The following TOLLIP variants were observed in gnomAD, a reference collection of about 807,000 sequenced individuals.
The protein encoded by TOLLIP is toll-interacting protein.
A neutral mutation model predicts 33.5 loss-of-function variants in TOLLIP; 16 were observed. The ratio of observed to expected loss-of-function variants is 0.48; its 90% CI spans 0.32 to 0.72. The LOEUF is 0.72. Ranked by LOEUF, TOLLIP falls within the 30% of genes least tolerant of loss-of-function variation. The pLI is 0.03. For synonymous variants in TOLLIP, 176 were observed against 163.7 expected, an observed-to-expected ratio of 1.07 and a Z score of -0.57; for missense variants, 325 against 396.6, an observed-to-expected ratio of 0.82 and a Z score of 1.53.
intron 2 of TOLLIP, chr11:1,291,213 G>A (rs2133907202): frequency 6.6e-6 from 1 of 152,348 alleles, no homozygotes; most frequent in South Asian, 2.1e-4. Flanking sequence ...AAAAAACCAG[G>A]AGAAAAGCCC....
chr11:1,276,635 T>G lies in TOLLIP; in HGVS notation c.*404A>C. The G allele has an allele frequency of 7.7e-7, 1 of 1,297,034 alleles. No homozygotes were observed. The highest frequency in any genetic ancestry group is 1.2e-5 in the South Asian group (1 of 80,982). The allele number at this position is 1,297,034 out of a possible 1,614,324, so 80.3% of individuals were successfully genotyped here. Reference sequence around the variant, plus strand: ...ACAGTGTGAGGGATTGTGTGTGCCTTAAATCAACAGCTCTATTCCAATTAC... The same window carrying G: ...ACAGTGTGAGGGATTGTGTGTGCCTGAAATCAACAGCTCTATTCCAATTAC... On this transcript the variant is annotated 3_prime_UTR_variant, in exon 6 of 6. Transcript: ENST00000317204.
chr11:1,283,463 G>A lies in TOLLIP; in HGVS notation c.610+2539C>T, dbSNP rs749948104. On this transcript the variant is annotated intron_variant, in intron 5 of 5. Coordinates refer to ENST00000317204, the MANE Select transcript of TOLLIP (RefSeq NM_019009.4). ...AGGGACGCCCCTGCTTATTGGAAAC[G>A]CATGCCTGGGCATGGGGGCTGGGGG... The A allele has an allele frequency of 7.2e-5, 29 of 403,132 alleles. No individual in the cohort carries two copies. In the African/African-American group the frequency reaches 7.9e-4, roughly 11 times the overall value. 25.0% of individuals were successfully genotyped at this position (403,132 alleles called of 1,614,324 possible). A position where few individuals can be genotyped will look rare whatever the true frequency, so the allele number is the denominator to read the frequency against.
intron 1 of TOLLIP, among the ~76,000 whole-genome samples, chr11:1,306,688 G>A (rs914878743): frequency 2.6e-5 from 4 of 152,070 alleles, no homozygotes; most frequent in African/African-American, 7.2e-5. Flanking sequence ...GTGCCAAGGC[G>A]GGCCCTGCCT....
At chr11:1,299,731 A>G (rs1443190354) in intron 1 of TOLLIP, among the ~76,000 whole-genome samples, 1 of 152,260 alleles carries the variant, frequency 6.6e-6, no homozygotes, top group East Asian at 1.9e-4. Flanking sequence ...TGTGAAGGCC[A>G]ACAATTCCAC....
intron 1 of TOLLIP, among the ~76,000 whole-genome samples, chr11:1,298,764 T>C (rs573932447): frequency 1.8e-4 from 28 of 152,318 alleles, no homozygotes; most frequent in African/African-American, 6.0e-4. Flanking sequence ...GCCAGCGCCA[T>C]GTGGCGGGGC....
intron 1 of TOLLIP, 84 bp downstream of exon 1, chr11:1,309,382 G>A: frequency 2.6e-6 from 2 of 775,248 alleles, no homozygotes; most frequent in Non-Finnish European, 1.7e-6. Flanking sequence ...CCCGCCAGCC[G>A]CAGCTGAGCA....
chr11:1,285,208 T>C (rs1863648623), intron 5 of TOLLIP, among the ~76,000 whole-genome samples: 1 of 152,162 alleles, frequency 6.6e-6, no homozygotes, highest in African/African-American at 2.4e-5. Flanking sequence ...GCCACTTCCA[T>C]GGCCTGGGCC....
chr11:1,309,396 G>T, intron 1 of TOLLIP, 70 bp downstream of exon 1: 1 of 905,444 alleles, frequency 1.1e-6, no homozygotes, highest in Non-Finnish European at 1.4e-6. Context: ...CTGAGCAGTA[G>T]CCCTGACCCA....
chr11:1,275,268 C>G lies in TOLLIP; in HGVS notation c.*1771G>C, dbSNP rs1469816901. ...TGGCAGTCTCACTGCACCCCAGCAA[C>G]GCGAAGGCAGAAACCGGTGCTGGTG... On this transcript the variant is annotated 3_prime_UTR_variant, in exon 6 of 6. Coordinates refer to ENST00000317204, the MANE Select transcript of TOLLIP (RefSeq NM_019009.4). The G allele has an allele frequency of 6.6e-6, 1 of 152,248 alleles. No individual in the cohort carries two copies. Among genetic ancestry groups the G allele is most frequent in the Non-Finnish European group, 1.5e-5 (1 of 68,062 alleles). 9.4% of individuals were successfully genotyped at this position (152,248 alleles called of 1,614,324 possible).
rs1283552073 is a variant in TOLLIP at position 1,309,454 on chromosome 11, C to A, written c.33+12G>T. On this transcript the variant is annotated intron_variant, in intron 1 of 5. Coordinates refer to ENST00000317204, the MANE Select transcript of TOLLIP (RefSeq NM_019009.4). ...TCACCGCCCCCGCCCGACCCTCGCCCGGCTGCCTCACCGGCCCGCGCTGAG... is the reference window on the plus strand; with the variant it reads ...TCACCGCCCCCGCCCGACCCTCGCCAGGCTGCCTCACCGGCCCGCGCTGAG... 3 of 1,314,546 alleles carry A rather than the reference C, an allele frequency of 2.3e-6. No individual in the cohort carries two copies. Among genetic ancestry groups the A allele is most frequent in the Middle Eastern group, 2.9e-4 (1 of 3,480 alleles). 81.4% of individuals were successfully genotyped at this position (1,314,546 alleles called of 1,614,324 possible).
At chr11:1,308,989 G>A (rs369619314) in intron 1 of TOLLIP, among the ~76,000 whole-genome samples, 16 of 150,938 alleles carry the variant, frequency 1.1e-4, no homozygotes, top group Admixed American at 4.6e-4. Flanking sequence ...CATCCATCTA[G>A]GGGACCATTA....
chr11:1,303,679 G>C lies in TOLLIP; in HGVS notation c.33+5787C>G, dbSNP rs1056878658. Among the ~76,000 whole-genome samples the C allele has an allele frequency of 1.8e-4, 28 of 152,204 alleles. No homozygotes were observed. Among genetic ancestry groups the C allele is most frequent in the African/African-American group, 6.5e-4 (27 of 41,444 alleles). ...AGTGACTCAGGGACAGGAAACACTT[G>C]CACAGCAGGCCTAACCAGGGGCCTG... On this transcript the variant is annotated intron_variant, in intron 1 of 5. Transcript: ENST00000317204. This position sits in a 1 kb window ranked among gnomAD's most constrained non-coding sequence, Gnocchi z 4.2.
intron 1 of TOLLIP, among the ~76,000 whole-genome samples, chr11:1,307,106 C>A (rs1864439912): frequency 6.6e-6 from 1 of 152,220 alleles, no homozygotes; most frequent in Non-Finnish European, 1.5e-5. Context: ...TTGTCCCCTG[C>A]ATCATGGCCA....
At chr11:1,295,540 TC>T in intron 2 of TOLLIP, 104 bp downstream of exon 2, 1 of 1,347,018 alleles carries the variant, frequency 7.4e-7, no homozygotes, top group East Asian at 2.4e-5. Context: ...AATCAGAAGT[TC>T]TGTTTGCCCG....
At position 1,277,544 on chromosome 11, in the gene TOLLIP, G is replaced by A. The variant is rs184460247; in HGVS notation, c.611-291C>T. Among the ~76,000 whole-genome samples, 3 of 152,276 alleles carry A rather than the reference G, an allele frequency of 2.0e-5. No homozygotes were observed. The highest frequency in any genetic ancestry group is 3.9e-4 in the East Asian group (2 of 5,182). Reference sequence around the variant, plus strand: ...GTTTGATCTTTCAAATCTCACCCGAGTCTGTTTTATAACTAGCAGGCTGGG... The same window carrying A: ...GTTTGATCTTTCAAATCTCACCCGAATCTGTTTTATAACTAGCAGGCTGGG... On this transcript the variant is annotated intron_variant, in intron 5 of 5. Transcript: ENST00000317204. This position sits in a 1 kb window ranked among gnomAD's most constrained non-coding sequence, Gnocchi z 4.2.
intron 1 of TOLLIP, chr11:1,302,935 T>TCCCTCGTCCTATCACCCCCTC: frequency 8.3e-6 from 2 of 239,572 alleles, no homozygotes; most frequent in Non-Finnish European, 1.4e-5. Context: ...GGGCTTTCCT[T>TCCCTCGTCCTATCACCCCCTC]CCCTCTTCCT....
rs530406623 is a variant in TOLLIP, at chr11:1,294,219, T to A, written c.183+1426A>T. ...AAAGCCGTGTGGCTCACAGTGTGTC[T>A]CCTTTCCCTGCATTTCTACGAAAGC... On this transcript the variant is annotated intron_variant, in intron 2 of 5. Coordinates refer to ENST00000317204, the MANE Select transcript of TOLLIP (RefSeq NM_019009.4). 2.9e-5 allele frequency among the ~76,000 whole-genome samples: 4 copies of A among 139,838 alleles called. No individual in the cohort carries two copies. The South Asian group carries it at 9.6e-4, about 34-fold the overall frequency. 91.7% of individuals were successfully genotyped at this position (139,838 alleles called of 152,430 possible).
intron 1 of TOLLIP, among the ~76,000 whole-genome samples, chr11:1,297,441 C>A (rs996149578): frequency 6.6e-6 from 1 of 152,224 alleles, no homozygotes; most frequent in African/African-American, 2.4e-5. Context: ...GATCCAGGCA[C>A]CGCTTCGAGC....
At chr11:1,288,421 T>C (rs1863818450) in intron 4 of TOLLIP, among the ~76,000 whole-genome samples, 1 of 152,178 alleles carries the variant, frequency 6.6e-6, no homozygotes, top group East Asian at 1.9e-4. Flanking sequence ...ACAGAGAACA[T>C]GGGCAGGAGC....
Sources: allele counts gnomAD v4.1 joint callset (sites outside exome capture counted in the v4.1 genomes callset), GRCh38; gene constraint gnomAD v4.1.1; non-coding constraint Gnocchi (gnomAD v3.1); transcripts MANE v1.5; gene names NCBI Gene and HGNC (gene_info 2026-07-23, HGNC 2026-07-21).